The following SGMS1 variants were observed in gnomAD, a reference collection of about 807,000 sequenced individuals.
The protein encoded by SGMS1 is sphingomyelin synthase 1.
SGMS1 carries 13 observed loss-of-function variants against 46.2 expected under a neutral mutation model. The ratio of observed to expected loss-of-function variants is 0.28; its 90% CI spans 0.18 to 0.45. The LOEUF is 0.45. Among genes scored for constraint, SGMS1 ranks in the 20% least tolerant of loss-of-function variants. The pLI is 1.00. For missense variants in SGMS1, 324 were observed against 519.9 expected, an observed-to-expected ratio of 0.62 and a Z score of 3.66; for synonymous variants, 203 against 187.8, an observed-to-expected ratio of 1.08 and a Z score of -0.66.
chr10:50,481,206 A>T (rs1837473677), intron 3 of SGMS1, among the ~76,000 whole-genome samples: 1 of 152,222 alleles, frequency 6.6e-6, no homozygotes, highest in Non-Finnish European at 1.5e-5. Context: ...CATTAAGAGG[A>T]TCCCTCATCT....
intron 5 of SGMS1, among the ~76,000 whole-genome samples, chr10:50,445,585 A>T (rs1837001335): frequency 6.6e-6 from 1 of 152,188 alleles, no homozygotes; most frequent in Admixed American, 6.5e-5. Context: ...GACACTTATC[A>T]CTTCCCCAAT....
chr10:50,373,163 A>C (rs892013270), intron 6 of SGMS1, among the ~76,000 whole-genome samples: 10 of 152,202 alleles, frequency 6.6e-5, no homozygotes, highest in African/African-American at 2.4e-4. Context: ...GATGTTTCCC[A>C]AAAGCTTTTG....
intron 2 of SGMS1, among the ~76,000 whole-genome samples, chr10:50,583,022 T>C (rs1838449451): frequency 6.6e-6 from 1 of 152,242 alleles, no homozygotes; most frequent in Admixed American, 6.5e-5. Flanking sequence ...ATAGAGAGGC[T>C]AGCGTGCATG....
In SGMS1 at chr10:50,343,631, G is replaced by A. The variant is rs1293483935; in HGVS notation, c.484C>T (p.Pro162Ser). Residue 162 changes from proline (P) to serine (S), a missense_variant, in exon 7 of 11, where the codon CCT becomes TCT. Physicochemically the swap from Pro to Ser is moderately conservative, Grantham distance 74 (BLOSUM62 -1). Around this residue, in one of 2 missense-constraint regions of SGMS1, gnomAD observed 174 missense variants for 350.1 expected, o/e 0.50. Coordinates refer to ENST00000361781, the MANE Select transcript of SGMS1 (RefSeq NM_147156.4). ...GGTAGTGGAGGCTGCACCTCCTTAG[G>A]AGGTACTCGTTCGTGGACGACCGAG... ...MISVVHERVPPKEVQPPLPDT... is the reference protein window; with the variant it reads ...MISVVHERVPSKEVQPPLPDT... 8 of 1,608,926 alleles carry A rather than the reference G, an allele frequency of 5.0e-6. No individual in the cohort carries two copies. The South Asian group carries it at 7.7e-5, about 16-fold the overall frequency.
At chr10:50,599,886 A>G (rs908479746) in intron 1 of SGMS1, among the ~76,000 whole-genome samples, 5 of 152,194 alleles carry the variant, frequency 3.3e-5, no homozygotes, top group African/African-American at 1.2e-4. Context: ...AAAGAAAGAA[A>G]GAAAGAAGTA....
intron 6 of SGMS1, among the ~76,000 whole-genome samples, chr10:50,386,203 C>T (rs1166347223): frequency 6.6e-6 from 1 of 152,136 alleles, no homozygotes; most frequent in African/African-American, 2.4e-5. Context: ...AAAGACTTCT[C>T]CATCAGTCTG....
rs559518566 is a variant in SGMS1, at chr10:50,512,997, A to G, written c.-498+6834T>C. Among the ~76,000 whole-genome samples the G allele has an allele frequency of 3.3e-5, 5 of 152,338 alleles. No individual in the cohort carries two copies. The South Asian group carries it at 1.0e-3, about 32-fold the overall frequency. On this transcript the variant is annotated intron_variant, in intron 3 of 10. Transcript: ENST00000361781. The stretch of plus-strand genomic sequence containing the variant: ...GCTGAAATACACCACAAAATGAAGT[A>G]GGGACATCCTTCCACAAGTTTCACT...
At chr10:50,490,292 T>C (rs1266418207) in intron 3 of SGMS1, among the ~76,000 whole-genome samples, 1 of 152,192 alleles carries the variant, frequency 6.6e-6, no homozygotes, top group East Asian at 1.9e-4. Flanking sequence ...TTAGTGTTGA[T>C]TAAAAAATTG....
At chr10:50,378,962 A>C (rs1848561311) in intron 6 of SGMS1, among the ~76,000 whole-genome samples, 1 of 152,144 alleles carries the variant, frequency 6.6e-6, no homozygotes, top group Non-Finnish European at 1.5e-5. Flanking sequence ...TGTATTCCTG[A>C]TAGTGTAGGG....
chr10:50,542,018 C>T (rs1838057586), intron 2 of SGMS1, among the ~76,000 whole-genome samples: 5 of 152,100 alleles, frequency 3.3e-5, no homozygotes. Context: ...ACTCTTTTGC[C>T]TAAAATCACC....
At chr10:50,342,828 C>T (rs1847842287) in intron 7 of SGMS1, 1 of 152,170 alleles carries the variant, frequency 6.6e-6, no homozygotes, top group African/African-American at 2.4e-5. Flanking sequence ...ATGAAAGCCA[C>T]CTTGGATACA....
intron 8 of SGMS1, among the ~76,000 whole-genome samples, chr10:50,320,365 CCACT>C (rs1426143988): frequency 6.6e-6 from 1 of 152,142 alleles, no homozygotes; most frequent in Non-Finnish European, 1.5e-5. Context: ...CAATTTTATC[CCACT>C]CACTGTTATA....
intron 2 of SGMS1, among the ~76,000 whole-genome samples, chr10:50,560,356 TATA>T (rs924628405): frequency 7.2e-6 from 1 of 138,156 alleles, no homozygotes; most frequent in Non-Finnish European, 1.5e-5. Context: ...TAATATATAT[TATA>T]ATACATATTA....
intron 3 of SGMS1, among the ~76,000 whole-genome samples, chr10:50,479,370 C>A (rs985010123): frequency 1.3e-5 from 2 of 152,130 alleles, no homozygotes; most frequent in African/African-American, 4.8e-5. Flanking sequence ...CCTAGATTTG[C>A]ATGATTAAAG....
intron 1 of SGMS1, among the ~76,000 whole-genome samples, chr10:50,608,608 G>A (rs543969989): frequency 2.0e-5 from 3 of 152,118 alleles, no homozygotes; most frequent in Admixed American, 6.5e-5. Flanking sequence ...TATTATCATC[G>A]AAATTTAATC....
intron 3 of SGMS1, among the ~76,000 whole-genome samples, chr10:50,480,007 A>T (rs1458795893): frequency 6.6e-6 from 1 of 152,190 alleles, no homozygotes; most frequent in Non-Finnish European, 1.5e-5. Context: ...TTCATTAATT[A>T]TCTTTCTTTT....
chr10:50,415,920 G>A (rs1409252364), intron 6 of SGMS1, among the ~76,000 whole-genome samples: 1 of 152,142 alleles, frequency 6.6e-6, no homozygotes, highest in African/African-American at 2.4e-5. Flanking sequence ...TAGCACTTGT[G>A]ACACGCAAGA....
intron 8 of SGMS1, among the ~76,000 whole-genome samples, chr10:50,325,811 T>G (rs1442581980): frequency 6.6e-6 from 1 of 152,206 alleles, no homozygotes; most frequent in Non-Finnish European, 1.5e-5. Flanking sequence ...ATGCACAGAC[T>G]TTTTTAAGGA....
At chr10:50,385,761 G>A (rs1323389500) in intron 6 of SGMS1, among the ~76,000 whole-genome samples, 1 of 152,192 alleles carries the variant, frequency 6.6e-6, no homozygotes, top group East Asian at 1.9e-4. Context: ...CCAATGGCAT[G>A]TCTCTCTTGT....
Sources: allele counts gnomAD v4.1 joint callset (sites outside exome capture counted in the v4.1 genomes callset), GRCh38; gene constraint gnomAD v4.1.1; regional missense constraint gnomAD v4.1.1; transcripts MANE v1.5; gene names NCBI Gene and HGNC (gene_info 2026-07-23, HGNC 2026-07-21).